The following PRKN variants were observed in gnomAD, a reference collection of about 807,000 sequenced individuals.
PRKN encodes the protein parkin RBR E3 ubiquitin protein ligase, also known as E3 ubiquitin-protein ligase parkin.
PRKN carries 56 observed loss-of-function variants against 59.5 expected under a neutral mutation model. The observed-to-expected ratio is 0.94, with a 90% CI of 0.76 to 1.18. PRKN has a LOEUF of 1.18. PRKN is among the 50% of genes most tolerant of loss of function. The pLI is 0.00. For synonymous variants in PRKN, 250 were observed against 222.1 expected, an observed-to-expected ratio of 1.13 and a Z score of -1.12; for missense variants, 657 against 596.4, an observed-to-expected ratio of 1.10 and a Z score of -1.06.
rs541007172 is a variant in PRKN at position 162,198,115 on chromosome 6, G to A, written c.534+3016C>T. 8.5e-5 allele frequency among the ~76,000 whole-genome samples: 13 copies of A among 152,308 alleles called. No homozygotes were observed. In the South Asian group the frequency reaches 2.5e-3, roughly 29 times the overall value. The stretch of plus-strand genomic sequence containing the variant: ...GGCCAACAGCTCTAGAAAAACTTCA[G>A]AGAAGGGTCAATGATATGCAGAGCA... On this transcript the variant is annotated intron_variant, in intron 4 of 11. Coordinates refer to ENST00000366898, the MANE Select transcript of PRKN (RefSeq NM_004562.3).
At chr6:162,204,709 G>GTTTTTTT (rs141650101) in intron 3 of PRKN, among the ~76,000 whole-genome samples, 1 of 125,916 alleles carries the variant, frequency 7.9e-6, no homozygotes, top group Non-Finnish European at 1.8e-5. Context: ...TTATTCAGAA[G>GTTTTTTT]TTTTGTTTTT....
intron 4 of PRKN, among the ~76,000 whole-genome samples, chr6:162,148,236 T>G (rs955180643): frequency 5.3e-5 from 8 of 152,208 alleles, no homozygotes; most frequent in African/African-American, 1.7e-4. Context: ...CTTTGTTAGT[T>G]TTGGTTCTTA....
intron 5 of PRKN, among the ~76,000 whole-genome samples, chr6:162,015,591 T>TC (rs1259817677): frequency 6.6e-6 from 1 of 152,146 alleles, no homozygotes; most frequent in African/African-American, 2.4e-5. Context: ...AATGCATCCC[T>TC]CCTCCCTTCC....
intron 1 of PRKN, among the ~76,000 whole-genome samples, chr6:162,604,373 T>C (rs1781824503): frequency 6.6e-6 from 1 of 152,150 alleles, no homozygotes; most frequent in Non-Finnish European, 1.5e-5. Flanking sequence ...AATACCTTGC[T>C]TTCCCCTGTA....
In PRKN at chr6:161,445,710, T is replaced by C. The variant is rs1479290725; in HGVS notation, c.1084-58833A>G. ...CACAGGGCAGAGTGCATGGTCTCCC[T>C]TCACGTGCGGGGCCAGGTGACTGCA... is the stretch of plus-strand genomic sequence containing the variant. On this transcript the variant is annotated intron_variant, in intron 9 of 11. Coordinates refer to ENST00000366898, the MANE Select transcript of PRKN (RefSeq NM_004562.3). This position sits in a 1 kb window ranked among gnomAD's most constrained non-coding sequence, Gnocchi z 7.7. 6.6e-6 allele frequency among the ~76,000 whole-genome samples: 1 copy of C among 152,202 alleles called. No homozygotes were observed. The highest frequency in any genetic ancestry group is 2.4e-5 in the African/African-American group (1 of 41,450).
At position 161,527,350 on chromosome 6, in the gene PRKN, TGGAGCCAGGGC is replaced by T. The variant is rs1461709923; in HGVS notation, c.1083+21493_1083+21503del. On this transcript the variant is annotated intron_variant, in intron 9 of 11. Transcript: ENST00000366898. This position sits in a 1 kb window ranked among gnomAD's most constrained non-coding sequence, Gnocchi z 4.6. Reference sequence around the variant, plus strand: ...GCCCCAACGGCATCAAGTATGAACTTGGAGCCAGGGCTTTGGTGTACATTTCTGTAATTTGT... The same window carrying T: ...GCCCCAACGGCATCAAGTATGAACTTTTTGGTGTACATTTCTGTAATTTGT... Among the ~76,000 whole-genome samples, 1 of 152,170 alleles carries T rather than the reference TGGAGCCAGGGC, an allele frequency of 6.6e-6. No homozygotes were observed. Among genetic ancestry groups the T allele is most frequent in the African/African-American group, 2.4e-5 (1 of 41,444 alleles).
chr6:162,711,112 A>G (rs1778520976), intron 1 of PRKN, among the ~76,000 whole-genome samples: 1 of 152,234 alleles, frequency 6.6e-6, no homozygotes, highest in African/African-American at 2.4e-5. Context: ...GTCTCTGACC[A>G]GCAGCAGCCA....
At chr6:161,624,289 T>A (rs1388714468) in intron 7 of PRKN, among the ~76,000 whole-genome samples, 1 of 152,214 alleles carries the variant, frequency 6.6e-6, no homozygotes, top group African/African-American at 2.4e-5. Flanking sequence ...AAACTACAAT[T>A]TATGAAACGA....
chr6:162,678,011 C>G (rs867973403), intron 1 of PRKN, among the ~76,000 whole-genome samples: 6 of 152,264 alleles, frequency 3.9e-5, no homozygotes, highest in Non-Finnish European at 2.9e-5. Context: ...ATTTGAATTA[C>G]AGATTAGTTT....
At chr6:161,731,630 C>A (rs555968330) in intron 7 of PRKN, among the ~76,000 whole-genome samples, 1 of 152,162 alleles carries the variant, frequency 6.6e-6, no homozygotes, top group East Asian at 1.9e-4. Context: ...GAATGATCCC[C>A]CACATTTCTG....
At chr6:162,184,110 T>C (rs1344451559) in intron 4 of PRKN, among the ~76,000 whole-genome samples, 3 of 152,240 alleles carry the variant, frequency 2.0e-5, no homozygotes, top group Non-Finnish European at 4.4e-5. Context: ...ATGTGCCTAG[T>C]GGCTGACATA....
chr6:161,563,852 T>C (rs1780541957), intron 8 of PRKN, among the ~76,000 whole-genome samples: 1 of 152,206 alleles, frequency 6.6e-6, no homozygotes. Flanking sequence ...TTACGCTTAC[T>C]TTACTGTCTA....
chr6:162,223,019 G>A (rs374703649), intron 3 of PRKN, among the ~76,000 whole-genome samples: 2 of 62,332 alleles, frequency 3.2e-5, no homozygotes, highest in Non-Finnish European at 6.2e-5. Context: ...TCCCCCCACC[G>A]CACAATAGTC....
chr6:161,701,566 C>A (rs887875658), intron 7 of PRKN, among the ~76,000 whole-genome samples: 13 of 152,068 alleles, frequency 8.5e-5, no homozygotes, highest in Non-Finnish European at 2.9e-5. Flanking sequence ...TAACCTATTA[C>A]AAAATAATAA....
intron 1 of PRKN, among the ~76,000 whole-genome samples, chr6:162,519,277 C>T (rs2155494): frequency 0.2 from 31,094 of 152,154 alleles, 3,586 homozygotes; most frequent in East Asian, 0.5. Flanking sequence ...AGTAGGCATG[C>T]TGTCGGAGTA....
chr6:161,800,555 T>G (rs548040228), intron 6 of PRKN, among the ~76,000 whole-genome samples: 1 of 152,304 alleles, frequency 6.6e-6, no homozygotes, highest in South Asian at 2.1e-4. Context: ...GATTGACTGA[T>G]CCCCTCTACC....
chr6:161,808,903 C>T (rs1052306710), intron 6 of PRKN, among the ~76,000 whole-genome samples: 7 of 152,174 alleles, frequency 4.6e-5, no homozygotes, highest in African/African-American at 7.2e-5. Context: ...CGCGGTGGTG[C>T]GATCACAGTT....
In PRKN at chr6:162,011,095, A is replaced by AAAAT. The variant is rs1330770054; in HGVS notation, c.619-37679_619-37678insATTT. On this transcript the variant is annotated intron_variant, in intron 5 of 11. Coordinates refer to ENST00000366898, the MANE Select transcript of PRKN (RefSeq NM_004562.3). ...ATATTTATAATATATATTATAATAT[A>AAAAT]TAATATATTTATAATATATAATATA... is the stretch of plus-strand genomic sequence containing the variant. Among the ~76,000 whole-genome samples the AAAAT allele has an allele frequency of 1.7e-4, 2 of 11,446 alleles. 1 individual carries two copies. The highest frequency in any genetic ancestry group is 7.5e-4 in the African/African-American group (2 of 2,684). 7.5% of individuals were successfully genotyped at this position (11,446 alleles called of 152,430 possible).
At chr6:162,343,621 T>C (rs1418462391) in intron 2 of PRKN, among the ~76,000 whole-genome samples, 1 of 152,200 alleles carries the variant, frequency 6.6e-6, no homozygotes, top group East Asian at 1.9e-4. Context: ...CAAACAACAT[T>C]TAACTTTCTG....
Sources: allele counts gnomAD v4.1 joint callset (sites outside exome capture counted in the v4.1 genomes callset), GRCh38; gene constraint gnomAD v4.1.1; non-coding constraint Gnocchi (gnomAD v3.1); transcripts MANE v1.5; gene names NCBI Gene and HGNC (gene_info 2026-07-23, HGNC 2026-07-21).